XRN1: variants seen among roughly 807,000 people sequenced by gnomAD.
XRN1 encodes the protein 5'-3' exoribonuclease 1.
Under a neutral mutation model 222.3 loss-of-function variants are expected in XRN1, and 67 were observed. That is an observed-to-expected ratio of 0.30 (90% CI 0.25 to 0.37). XRN1 has a LOEUF of 0.37. Ranked by LOEUF, XRN1 falls within the 10% of genes least tolerant of loss-of-function variation. XRN1 has a pLI of 1.00. For missense variants in XRN1, 1,707 were observed against 2,000.2 expected (o/e 0.85, Z 2.80); for synonymous variants, 643 against 652.4 (o/e 0.99, Z 0.22).
At chr3:142,325,155 T>C (rs1272128835) in intron 37 of XRN1, among the ~76,000 whole-genome samples, 3 of 152,222 alleles carry the variant, frequency 2.0e-5, no homozygotes, top group Admixed American at 6.5e-5. Context: ...ATGTCCTTCA[T>C]AGTGGCTGTA....
At chr3:142,402,854 T>C (rs2068196824) in intron 18 of XRN1, among the ~76,000 whole-genome samples, 1 of 152,202 alleles carries the variant, frequency 6.6e-6, no homozygotes. Flanking sequence ...ATTAATAGTT[T>C]CTCTTTTCAC....
intron 29 of XRN1, among the ~76,000 whole-genome samples, chr3:142,360,550 G>T (rs2066587055): frequency 6.6e-6 from 1 of 151,372 alleles, no homozygotes; most frequent in Non-Finnish European, 1.5e-5. Flanking sequence ...CTTAGGGCAT[G>T]TACTTTTTTA....
chr3:142,405,387 T>G (rs911248030), intron 15 of XRN1, among the ~76,000 whole-genome samples: 1 of 152,232 alleles, frequency 6.6e-6, no homozygotes. Context: ...ATTATAATAC[T>G]ATATCATAAT....
intron 20 of XRN1, among the ~76,000 whole-genome samples, chr3:142,387,568 T>C (rs1244589629): frequency 2.6e-5 from 4 of 152,192 alleles, no homozygotes; most frequent in Non-Finnish European, 4.4e-5. Flanking sequence ...GTCACATGAA[T>C]TTTTCTGTTT....
chr3:142,339,223 G>A (rs763658041), intron 33 of XRN1, among the ~76,000 whole-genome samples: 1 of 152,202 alleles, frequency 6.6e-6, no homozygotes, highest in Admixed American at 6.5e-5. Flanking sequence ...CCAAGCCCAG[G>A]TGGCTCAGAA....
Position 142,365,166 on chromosome 3 carries a change from T to C in XRN1, c.3275A>G (p.Gln1092Arg). 1 of 1,612,056 alleles carries C rather than the reference T, an allele frequency of 6.2e-7. No individual in the cohort carries two copies. The highest frequency in any genetic ancestry group is 8.5e-7 in the Non-Finnish European group (1 of 1,179,108). ...ATCCCGATCAGGAATGACTCCATGT[T>C]GCTGTTCTAAAGGCTGAAGAGAAGA... ...PHLLYRPLEQ[Q>R]HGVIPDRDAE... The change falls in exon 29 of 41, where the codon CAA becomes CGA. Residue 1092 changes from glutamine to arginine, a missense_variant. Around this residue, in one of 2 missense-constraint regions of XRN1, gnomAD observed 1,234 missense variants for 1,518.2 expected, o/e 0.81. Transcript: ENST00000392981.
Position 142,448,015 on chromosome 3 carries a change from C to A in XRN1, c.-71G>T, listed in dbSNP as rs746324998. 1.6e-5 allele frequency: 25 copies of A among 1,525,508 alleles called. No homozygotes were observed. Among genetic ancestry groups the A allele is most frequent in the Non-Finnish European group, 2.1e-5 (23 of 1,106,664 alleles). 94.5% of individuals were successfully genotyped at this position (1,525,508 alleles called of 1,614,324 possible). On this transcript the variant is annotated 5_prime_UTR_variant, in exon 1 of 41. Coordinates refer to ENST00000392981, the MANE Select transcript of XRN1 (RefSeq NM_001282857.2). The stretch of plus-strand genomic sequence containing the variant: ...ACGCCCCGCCGGGGCTCCGCCGCAG[C>A]CTCCGGTCGTCGCTCCGCGGATGAC...
chr3:142,400,299 G>A (rs1011318004), intron 19 of XRN1, 145 bp downstream of exon 19: 4 of 556,472 alleles, frequency 7.2e-6, no homozygotes, highest in South Asian at 3.3e-5. Flanking sequence ...AACTTCAAGT[G>A]GTGTCATTAG....
rs902848691 is a variant in XRN1, at chr3:142,421,656, G to A, written c.968-113C>T. 1.0e-5 allele frequency: 7 copies of A among 686,628 alleles called. No homozygotes were observed. In the African/African-American group the frequency reaches 1.1e-4, roughly 11 times the overall value. The allele number at this position is 686,628 out of a possible 1,614,324, so 42.5% of individuals were successfully genotyped here. On this transcript the variant is annotated intron_variant, in intron 8 of 40. Transcript: ENST00000392981. ...GTTCATGTTCTACAGTACTAATCAA[G>A]AAAAAACAGTGTTGGACTATATCCA...
intron 20 of XRN1, 117 bp from the exon 21 acceptor site, chr3:142,384,802 A>T (rs2067433502): frequency 2.6e-6 from 2 of 782,374 alleles, no homozygotes; most frequent in Non-Finnish European, 3.9e-6. Context: ...AATAAACTTT[A>T]AATAAATACG....
Position 142,310,637 on chromosome 3 carries a change from A to G in XRN1, c.*874T>C, listed in dbSNP as rs1326906535. 2.6e-5 allele frequency: 4 copies of G among 152,634 alleles called. No individual in the cohort carries two copies. The highest frequency in any genetic ancestry group is 9.6e-5 in the African/African-American group (4 of 41,462). The allele number at this position is 152,634 out of a possible 1,614,324, so 9.5% of individuals were successfully genotyped here. A position where few individuals can be genotyped will look rare whatever the true frequency, so the allele number is the denominator to read the frequency against. ...CCGACCAACTATGAAGCTCTCATAA[A>G]ATGTCAGGTAAGCAAATAAAAAGCT... On this transcript the variant is annotated 3_prime_UTR_variant, in exon 41 of 41. Coordinates refer to ENST00000392981, the MANE Select transcript of XRN1 (RefSeq NM_001282857.2).
chr3:142,435,052 A>G (rs368639622), intron 1 of XRN1: 7 of 152,362 alleles, frequency 4.6e-5, no homozygotes, highest in African/African-American at 1.2e-4. Context: ...AGCGCCATAT[A>G]TAATTCAATT....
Position 142,432,363 on chromosome 3 carries a change from G to A in XRN1, c.308+298C>T, listed in dbSNP as rs907194618. Among the ~76,000 whole-genome samples the A allele has an allele frequency of 4.0e-5, 6 of 150,066 alleles. No homozygotes were observed. The Admixed American group carries it at 4.0e-4, about 10-fold the overall frequency. ...TTGAACTGGGGAGGCAGATATTACA[G>A]TGAGCTAAGACTGTACCACTGCACT... On this transcript the variant is annotated intron_variant, in intron 2 of 40. Coordinates refer to ENST00000392981, the MANE Select transcript of XRN1 (RefSeq NM_001282857.2).
intron 29 of XRN1, among the ~76,000 whole-genome samples, chr3:142,362,498 C>G (rs1486988813): frequency 6.6e-6 from 1 of 152,044 alleles, no homozygotes; most frequent in South Asian, 2.1e-4. Context: ...GTCTTGAACT[C>G]CTGACTTCAA....
intron 37 of XRN1, among the ~76,000 whole-genome samples, chr3:142,327,872 T>C (rs912337365): frequency 1.3e-5 from 2 of 152,108 alleles, no homozygotes; most frequent in Non-Finnish European, 2.9e-5. Flanking sequence ...TATTTCACAC[T>C]CTATATCCCT....
At chr3:142,359,495 C>T (rs1243212784) in intron 30 of XRN1, among the ~76,000 whole-genome samples, 2 of 152,156 alleles carry the variant, frequency 1.3e-5, no homozygotes, top group African/African-American at 2.4e-5. Context: ...TTATTCCCCC[C>T]TTTTCTCCCT....
At chr3:142,431,846 A>T (rs1360279212) in intron 2 of XRN1, among the ~76,000 whole-genome samples, 15 of 66,450 alleles carry the variant, frequency 2.3e-4, no homozygotes, top group African/African-American at 6.5e-4. Context: ...AATATTAAAA[A>T]ATATATATAT....
intron 37 of XRN1, among the ~76,000 whole-genome samples, chr3:142,321,076 G>C (rs2065339493): frequency 6.9e-6 from 1 of 145,590 alleles, no homozygotes; most frequent in African/African-American, 2.5e-5. Context: ...CAGTTACCCA[G>C]CACCATTTGC....
rs1361222725 is a variant in XRN1, at chr3:142,404,961, A to C, written c.1829T>G (p.Ile610Ser). The C allele has an allele frequency of 6.2e-7, 1 of 1,614,060 alleles. No individual in the cohort carries two copies. Among genetic ancestry groups the C allele is most frequent in the South Asian group, 1.1e-5 (1 of 91,070 alleles). The change falls in exon 16 of 41, where the codon ATC becomes AGC. Residue 610 changes from isoleucine (I) to serine (S), a missense_variant. Transcript: ENST00000392981. ...MCWYDRDTEF[I>S]YPSPWPEKFP... ...CTTTTCTGGCCATGGAGAAGGATAGATAAACTCTGTGTCTCTATCATACCA... is the reference window on the plus strand; with the variant it reads ...CTTTTCTGGCCATGGAGAAGGATAGCTAAACTCTGTGTCTCTATCATACCA...
Sources: allele counts gnomAD v4.1 joint callset (sites outside exome capture counted in the v4.1 genomes callset), GRCh38; gene constraint gnomAD v4.1.1; regional missense constraint gnomAD v4.1.1; transcripts MANE v1.5; gene names NCBI Gene and HGNC (gene_info 2026-07-23, HGNC 2026-07-21).